SCOC: variants seen among roughly 807,000 people sequenced by gnomAD.
SCOC encodes short coiled coil protein.
In SCOC, 7 loss-of-function variants were observed where a neutral mutation model predicts 9.9. The observed-to-expected ratio is 0.71, with a 90% CI of 0.40 to 1.33. SCOC has a LOEUF of 1.33. Among genes scored for constraint, SCOC ranks in the 40% most tolerant of loss-of-function variants. The pLI is 0.01. For synonymous variants in SCOC, 19 were observed against 28.2 expected, an observed-to-expected ratio of 0.67 and a Z score of 1.03; for missense variants, 66 against 89.7, an observed-to-expected ratio of 0.74 and a Z score of 1.07.
intron 1 of SCOC, among the ~76,000 whole-genome samples, chr4:140,286,773 G>A (rs1397367190): frequency 6.6e-6 from 1 of 152,224 alleles, no homozygotes; most frequent in African/African-American, 2.4e-5. Flanking sequence ...CGCTGTCAAG[G>A]ACGACTGTGG....
At chr4:140,287,693 C>A (rs1204360224) in intron 1 of SCOC, among the ~76,000 whole-genome samples, 4 of 152,040 alleles carry the variant, frequency 2.6e-5, no homozygotes, top group Non-Finnish European at 5.9e-5. Context: ...CATACACACA[C>A]CAAACACATG....
chr4:140,355,720 T>C (rs1466893587), intron 2 of SCOC, among the ~76,000 whole-genome samples: 1 of 152,178 alleles, frequency 6.6e-6, no homozygotes, highest in Non-Finnish European at 1.5e-5. Flanking sequence ...TCTACCAATA[T>C]TGGAATATGC....
intron 1 of SCOC, among the ~76,000 whole-genome samples, chr4:140,304,299 G>C (rs1159467273): frequency 6.6e-6 from 1 of 152,180 alleles, no homozygotes; most frequent in African/African-American, 2.4e-5. Flanking sequence ...CAGGGAGTGG[G>C]AGGGTGAGGT....
intron 1 of SCOC, among the ~76,000 whole-genome samples, chr4:140,303,077 G>T (rs1352690820): frequency 6.6e-6 from 1 of 152,104 alleles, no homozygotes; most frequent in African/African-American, 2.4e-5. Flanking sequence ...CATGGGATGT[G>T]GGTCCTGAAA....
At chr4:140,324,916 T>C (rs1732602399) in intron 1 of SCOC, among the ~76,000 whole-genome samples, 1 of 151,802 alleles carries the variant, frequency 6.6e-6, no homozygotes, top group South Asian at 2.1e-4. Flanking sequence ...GGATTCATGC[T>C]AGGATTTCAA....
chr4:140,321,569 AG>A (rs1160251822), intron 1 of SCOC, among the ~76,000 whole-genome samples: 1 of 152,230 alleles, frequency 6.6e-6, no homozygotes, highest in Admixed American at 6.5e-5. Flanking sequence ...TGGGCTTACC[AG>A]TAGACTTGAT....
At chr4:140,290,258 C>T (rs1454165821) in intron 1 of SCOC, among the ~76,000 whole-genome samples, 1 of 152,244 alleles carries the variant, frequency 6.6e-6, no homozygotes, top group African/African-American at 2.4e-5. Flanking sequence ...GTCAGGATAA[C>T]TTGTTAGCTT....
chr4:140,257,873 G>T (rs114630094), intron 1 of SCOC, among the ~76,000 whole-genome samples: 2 of 152,136 alleles, frequency 1.3e-5, no homozygotes, highest in Non-Finnish European at 2.9e-5. Context: ...CAGAGATGTC[G>T]CTGCACTTCT....
rs553045277 is a variant in SCOC at position 140,297,548 on chromosome 4, C to G, written c.-19+40138C>G. Among the ~76,000 whole-genome samples, 31 of 152,298 alleles carry G rather than the reference C, an allele frequency of 2.0e-4. No homozygotes were observed. The South Asian group carries it at 3.5e-3, about 17-fold the overall frequency. On this transcript the variant is annotated intron_variant, in intron 1 of 4. Transcript: ENST00000394205. ...TCTCTCCTGCCCTCCCACACCTTTCCTTCCTCTCCATCCTCTTTCTCCCTC... is the reference window on the plus strand; with the variant it reads ...TCTCTCCTGCCCTCCCACACCTTTCGTTCCTCTCCATCCTCTTTCTCCCTC...
intron 1 of SCOC, among the ~76,000 whole-genome samples, chr4:140,337,225 A>C (rs1054468639): frequency 1.3e-5 from 2 of 152,198 alleles, no homozygotes; most frequent in Non-Finnish European, 2.9e-5. Flanking sequence ...TTTGATGCAC[A>C]AAAGTTTTTA....
intron 1 of SCOC, among the ~76,000 whole-genome samples, chr4:140,272,486 G>A (rs1285211806): frequency 2.0e-5 from 3 of 152,134 alleles, no homozygotes; most frequent in South Asian, 2.1e-4. Context: ...TTACATCCTC[G>A]ATAACACCTT....
intron 1 of SCOC, among the ~76,000 whole-genome samples, chr4:140,332,086 C>T (rs1256605291): frequency 6.6e-6 from 1 of 152,082 alleles, no homozygotes; most frequent in Non-Finnish European, 1.5e-5. Flanking sequence ...ATGTGAACAG[C>T]ACTAGTGGGA....
chr4:140,373,048 C>T (rs545397469), upstream of SCOC, among the ~76,000 whole-genome samples: 112 of 152,262 alleles, frequency 7.4e-4, no homozygotes, highest in Middle Eastern at 3.4e-3. Context: ...TAAATGGCCA[C>T]GCACTACAGA....
chr4:140,340,783 CTTTTTTTTT>C (rs36136647), upstream of SCOC, among the ~76,000 whole-genome samples: 43 of 40,476 alleles, frequency 1.1e-3, no homozygotes, highest in Admixed American at 2.4e-3. Context: ...TGCTGCCTAA[CTTTTTTTTT>C]TTTTTTTTTT....
intron 1 of SCOC, among the ~76,000 whole-genome samples, chr4:140,318,927 C>T (rs144893947): frequency 2.6e-5 from 4 of 152,288 alleles, no homozygotes; most frequent in Non-Finnish European, 5.9e-5. Context: ...TCCAAGGCCT[C>T]CCTTCATCTC....
chr4:140,300,575 T>G (rs185690032), intron 1 of SCOC, among the ~76,000 whole-genome samples: 126 of 152,232 alleles, frequency 8.3e-4, no homozygotes, highest in African/African-American at 3.0e-3. Flanking sequence ...TGCTGGGCAT[T>G]TGGGGTGAAG....
chr4:140,371,667 T>G (rs1469458655), upstream of SCOC, among the ~76,000 whole-genome samples: 2 of 152,218 alleles, frequency 1.3e-5, no homozygotes, highest in Non-Finnish European at 2.9e-5. Context: ...CTAATTTTCT[T>G]TTTGTCTATT....
At chr4:140,319,455 A>G (rs1732433637) in intron 1 of SCOC, among the ~76,000 whole-genome samples, 1 of 152,166 alleles carries the variant, frequency 6.6e-6, no homozygotes, top group African/African-American at 2.4e-5. Flanking sequence ...CCTTGAGCCC[A>G]TATGAAACAC....
At chr4:140,286,938 G>A (rs1390077464) in intron 1 of SCOC, among the ~76,000 whole-genome samples, 1 of 152,080 alleles carries the variant, frequency 6.6e-6, no homozygotes, top group East Asian at 1.9e-4. Context: ...CCAGCTGGAA[G>A]ACCACACACA....
Sources: allele counts gnomAD v4.1 joint callset (sites outside exome capture counted in the v4.1 genomes callset), GRCh38; gene constraint gnomAD v4.1.1; transcripts MANE v1.5; gene names NCBI Gene and HGNC (gene_info 2026-07-23, HGNC 2026-07-21).